RICTOR: variants seen among roughly 807,000 people sequenced by gnomAD.
The protein encoded by RICTOR is rapamycin-insensitive companion of mTOR.
In RICTOR, 49 loss-of-function variants were observed where a neutral mutation model predicts 214.9. The ratio of observed to expected loss-of-function variants is 0.23; its 90% CI spans 0.18 to 0.29. RICTOR has a LOEUF of 0.29. Among genes scored for constraint, RICTOR ranks in the 10% least tolerant of loss-of-function variants. The pLI, the probability that RICTOR is intolerant of heterozygous loss-of-function variation, is 1.00. For missense variants in RICTOR, 1,625 were observed against 2,047.0 expected, an observed-to-expected ratio of 0.79 and a Z score of 3.98; for synonymous variants, 717 against 711.3, an observed-to-expected ratio of 1.01 and a Z score of -0.13.
chr5:38,945,537 C>G lies in RICTOR; in HGVS notation c.4587G>C (p.Leu1529=). 1 of 1,614,072 alleles carries G rather than the reference C, an allele frequency of 6.2e-7. No individual in the cohort carries two copies. The highest frequency in any genetic ancestry group is 2.2e-5 in the East Asian group (1 of 44,872). The part of the protein sequence containing the change: ...NCLYCVCIEI[L]GFQPSNQLSA... ...TCAGTTGGTTGCTGGGCTGGAAACC[C>G]AGAATTTCAATACAGACACAATAAA... Residue 1529 remains leucine, a synonymous_variant, in exon 34 of 38, where the codon CTG becomes CTC. Coordinates refer to ENST00000357387, the MANE Select transcript of RICTOR (RefSeq NM_152756.5).
chr5:38,986,558 C>T (rs1268221797), intron 7 of RICTOR, among the ~76,000 whole-genome samples: 2 of 152,116 alleles, frequency 1.3e-5, no homozygotes. Flanking sequence ...ATAACAAGTT[C>T]TCCACTTCCC....
At chr5:39,038,468 A>G (rs911904469) in intron 2 of RICTOR, among the ~76,000 whole-genome samples, 1 of 152,226 alleles carries the variant, frequency 6.6e-6, no homozygotes, top group Admixed American at 6.5e-5. Context: ...AGTTCTGGCC[A>G]GGGCAATCAG....
chr5:38,975,938 G>T (rs1200725488), intron 9 of RICTOR, among the ~76,000 whole-genome samples: 1 of 152,142 alleles, frequency 6.6e-6, no homozygotes, highest in Admixed American at 6.5e-5. Context: ...CCTTAGCAAA[G>T]AAAATTATCA....
In RICTOR at chr5:38,941,493, T is replaced by A. The variant is rs1427115932; in HGVS notation, c.*811A>T. ...CTGTTTAAAGCGATGAGATGGAAAG[T>A]TGATGAAAGTGGAAGTCCATTGCAA... On this transcript the variant is annotated 3_prime_UTR_variant, in exon 38 of 38. Coordinates refer to ENST00000357387, the MANE Select transcript of RICTOR (RefSeq NM_152756.5). 1.3e-5 allele frequency: 3 copies of A among 231,448 alleles called. No homozygotes were observed. The highest frequency in any genetic ancestry group is 2.6e-5 in the Non-Finnish European group (3 of 116,772). The allele number at this position is 231,448 out of a possible 1,614,324, so 14.3% of individuals were successfully genotyped here.
chr5:38,991,169 AT>A (rs1274243135), intron 6 of RICTOR, 94 bp from the exon 7 acceptor site: 1 of 681,552 alleles, frequency 1.5e-6, no homozygotes, highest in Admixed American at 3.2e-5. Flanking sequence ...ACAGAATAAG[AT>A]CCAGAATAAG....
chr5:39,023,508 G>A (rs972737340), intron 2 of RICTOR, among the ~76,000 whole-genome samples: 7 of 152,148 alleles, frequency 4.6e-5, no homozygotes, highest in African/African-American at 1.7e-4. Context: ...TGCCACCTCC[G>A]GAATAGAGTG....
chr5:38,954,739 T>A, intron 27 of RICTOR, 35 bp downstream of exon 27: 1 of 1,228,082 alleles, frequency 8.1e-7, no homozygotes, highest in Non-Finnish European at 1.2e-6. Flanking sequence ...TTTTTACTAT[T>A]GTAGCTACTT....
intron 2 of RICTOR, among the ~76,000 whole-genome samples, chr5:39,048,134 A>G (rs545058295): frequency 7.4e-4 from 112 of 152,324 alleles, no homozygotes; most frequent in African/African-American, 2.6e-3. Flanking sequence ...GTGGACAATC[A>G]ACATGGGTAC....
At chr5:39,043,879 G>A (rs1757324802) in intron 2 of RICTOR, among the ~76,000 whole-genome samples, 1 of 152,136 alleles carries the variant, frequency 6.6e-6, no homozygotes, top group Admixed American at 6.5e-5. Flanking sequence ...GTGCCACCCT[G>A]GGACTCTTCA....
At chr5:39,052,841 C>A (rs1757944911) in intron 2 of RICTOR, among the ~76,000 whole-genome samples, 1 of 152,192 alleles carries the variant, frequency 6.6e-6, no homozygotes, top group African/African-American at 2.4e-5. Context: ...ACTCTGCTTA[C>A]TTGGCTTCTA....
chr5:39,012,601 C>T (rs1353444415), intron 3 of RICTOR, among the ~76,000 whole-genome samples: 1 of 152,060 alleles, frequency 6.6e-6, no homozygotes, highest in Non-Finnish European at 1.5e-5. Context: ...CTATTTTTGC[C>T]GTTACTGTTG....
At chr5:39,018,512 T>C (rs1755142574) in intron 3 of RICTOR, among the ~76,000 whole-genome samples, 1 of 152,176 alleles carries the variant, frequency 6.6e-6, no homozygotes, top group Non-Finnish European at 1.5e-5. Flanking sequence ...ACTTTGCATG[T>C]CTGTCACATT....
intron 2 of RICTOR, among the ~76,000 whole-genome samples, chr5:39,048,734 T>C (rs1663204732): frequency 6.6e-6 from 1 of 152,186 alleles, no homozygotes; most frequent in Non-Finnish European, 1.5e-5. Flanking sequence ...AAGGATGGTA[T>C]CTGGGACCTG....
intron 3 of RICTOR, among the ~76,000 whole-genome samples, chr5:39,005,822 G>A (rs570911892): frequency 7.9e-5 from 12 of 152,188 alleles, no homozygotes; most frequent in Non-Finnish European, 1.5e-4. Flanking sequence ...GCCCTGGTAA[G>A]ACCAGGCCTA....
intron 7 of RICTOR, among the ~76,000 whole-genome samples, chr5:38,987,922 T>A (rs901172242): frequency 1.3e-5 from 2 of 152,162 alleles, no homozygotes. Flanking sequence ...TTCCCATTGG[T>A]TTCAAAGAAC....
chr5:38,979,113 T>G (rs765009584), intron 8 of RICTOR, among the ~76,000 whole-genome samples: 5 of 152,206 alleles, frequency 3.3e-5, no homozygotes, highest in South Asian at 2.1e-4. Flanking sequence ...TTGTGTGGTG[T>G]TGTTTGTATT....
At chr5:39,051,349 G>C (rs1031199317) in intron 2 of RICTOR, among the ~76,000 whole-genome samples, 2 of 152,112 alleles carry the variant, frequency 1.3e-5, no homozygotes, top group African/African-American at 4.8e-5. Flanking sequence ...TACTCATAAT[G>C]ACACTGTAAG....
chr5:39,074,309 G>C lies in RICTOR; in HGVS notation c.49+20C>G. The stretch of plus-strand genomic sequence containing the variant: ...TGGCGGGCGCCGGGCGGTGGGGAGT[G>C]AGGGTTGCAGCGGGCTTACCTCGTA... On this transcript the variant is annotated intron_variant, in intron 1 of 37. Transcript: ENST00000357387. The C allele has an allele frequency of 1.9e-6, 3 of 1,553,146 alleles. No individual in the cohort carries two copies. The highest frequency in any genetic ancestry group is 2.6e-6 in the Non-Finnish European group (3 of 1,148,956).
chr5:39,050,185 C>G, intron 2 of RICTOR, among the ~76,000 whole-genome samples: 1 of 149,152 alleles, frequency 6.7e-6, no homozygotes. Context: ...TAAATATAAA[C>G]AAATAAATAA....
Sources: gnomAD v4.1 joint callset for allele counts (sites outside exome capture counted in the v4.1 genomes callset) on GRCh38, gnomAD v4.1.1 for gene constraint, MANE v1.5 for transcripts, NCBI Gene and HGNC (gene_info 2026-07-23, HGNC 2026-07-21) for gene names.